The following CNN3 variants were observed in gnomAD, a reference collection of about 807,000 sequenced individuals.
CNN3 encodes the protein calponin-3.
A neutral mutation model predicts 39.0 loss-of-function variants in CNN3; 11 were observed. The observed-to-expected ratio is 0.28, with a 90% confidence interval of 0.18 to 0.47. The LOEUF (loss-of-function observed/expected upper bound fraction) is 0.47, where lower values mean the gene tolerates loss of function less well. Among genes scored for constraint, CNN3 ranks in the 20% least tolerant of loss-of-function variants. The probability of loss-of-function intolerance (pLI) is 0.99; values close to 1 mark genes in which losing one functional copy is unlikely to be tolerated. For synonymous variants in CNN3, 101 were observed against 138.3 expected (o/e 0.73, Z 1.89); for missense variants, 266 against 403.4 (o/e 0.66, Z 2.92).
Position 94,902,266 on chromosome 1 carries a change from G to C in CNN3, c.247-8C>G, listed in dbSNP as rs747102216. 1 of 1,603,796 alleles carries C rather than the reference G, an allele frequency of 6.2e-7. No individual in the cohort carries two copies. Among genetic ancestry groups the C allele is most frequent in the Non-Finnish European group, 8.5e-7 (1 of 1,173,876 alleles). ...GTTGCCAATATTCTCCAACTATAAA[G>C]AAGAAGAGTTTTATAATTTCTGGAG... On this transcript the variant is annotated splice_polypyrimidine_tract_variant and splice_region_variant and intron_variant, in intron 3 of 6. Coordinates refer to ENST00000370206, the MANE Select transcript of CNN3 (RefSeq NM_001839.5).
At chr1:94,909,310 C>G (rs1285175004) in intron 1 of CNN3, among the ~76,000 whole-genome samples, 3 of 152,166 alleles carry the variant, frequency 2.0e-5, no homozygotes, top group Non-Finnish European at 4.4e-5. Context: ...CTCCAAAGCT[C>G]AACTCTACCC....
intron 1 of CNN3, among the ~76,000 whole-genome samples, chr1:94,914,819 A>AT (rs564162635): frequency 6.1e-4 from 93 of 152,242 alleles, no homozygotes; most frequent in Middle Eastern, 3.4e-3. Flanking sequence ...AAAGAGCACC[A>AT]TTTTTTCCCC....
rs1245002619 is a variant in CNN3 at position 94,897,075 on chromosome 1, C to T, written c.*667G>A. On this transcript the variant is annotated 3_prime_UTR_variant, in exon 7 of 7. Coordinates refer to ENST00000370206, the MANE Select transcript of CNN3 (RefSeq NM_001839.5). ...GCAACTCTACATTGATACATTGGCA[C>T]AAACAGGAAGAGCAAATGCATCACC... The T allele has an allele frequency of 6.5e-6, 1 of 153,034 alleles. No homozygotes were observed. Among genetic ancestry groups the T allele is most frequent in the Non-Finnish European group, 1.5e-5 (1 of 68,046 alleles). The allele number at this position is 153,034 out of a possible 1,614,324, so 9.5% of individuals were successfully genotyped here.
At chr1:94,908,914 G>A (rs748676251) in intron 1 of CNN3, among the ~76,000 whole-genome samples, 1 of 151,766 alleles carries the variant, frequency 6.6e-6, no homozygotes, top group African/African-American at 2.4e-5. Flanking sequence ...GGAGGCTGAG[G>A]CAGGAGGAAT....
In CNN3 at chr1:94,897,759, G is replaced by A; in HGVS notation, c.973C>T (p.Gln325Ter). The part of the protein sequence containing the change: ...DYPRDYQYSD[Q>*]GIDY The stretch of plus-strand genomic sequence containing the variant: ...GTGTGGATCTAATAATCAATGCCTT[G>A]GTCGCTATATTGGTAATCTCTGGGG... Residue 325 changes from glutamine (Q) to a stop codon, truncating the protein, a stop_gained, in exon 7 of 7, where the codon CAA becomes TAA. Coordinates refer to ENST00000370206, the MANE Select transcript of CNN3 (RefSeq NM_001839.5). LOFTEE classifies it high-confidence loss of function. 1 of 1,613,200 alleles carries A rather than the reference G, an allele frequency of 6.2e-7. No individual in the cohort carries two copies. The highest frequency in any genetic ancestry group is 1.6e-4 in the Middle Eastern group (1 of 6,062).
intron 1 of CNN3, among the ~76,000 whole-genome samples, chr1:94,905,106 T>G (rs1181410760): frequency 6.6e-6 from 1 of 152,102 alleles, no homozygotes; most frequent in Non-Finnish European, 1.5e-5. Flanking sequence ...TGGGCTGCAT[T>G]CAGGTCCTTT....
chr1:94,919,016 G>T (rs1432576357), intron 1 of CNN3, among the ~76,000 whole-genome samples: 2 of 152,084 alleles, frequency 1.3e-5, no homozygotes, highest in African/African-American at 4.8e-5. Flanking sequence ...TGAAGGTGAT[G>T]TAAGACCAAC....
In CNN3 at chr1:94,908,563, C is replaced by CG. The variant is rs34081179; in HGVS notation, c.58-5040dup. ...TTGTTGTTTGTTTGTTTTTTTGAGACGGAGTCTCGCTCTGTCACCCAAGCT... is the reference window on the plus strand; with the variant it reads ...TTGTTGTTTGTTTGTTTTTTTGAGACGGGAGTCTCGCTCTGTCACCCAAGCT... On this transcript the variant is annotated intron_variant, in intron 1 of 6. Transcript: ENST00000370206. Among the ~76,000 whole-genome samples the CG allele has an allele frequency of 1.1e-3, 168 of 152,162 alleles. 1 individual carries two copies. Among genetic ancestry groups the CG allele is most frequent in the Admixed American group, 2.2e-3 (33 of 15,284 alleles).
At chr1:94,917,820 T>G (rs1671323716) in intron 1 of CNN3, among the ~76,000 whole-genome samples, 1 of 152,218 alleles carries the variant, frequency 6.6e-6, no homozygotes, top group African/African-American at 2.4e-5. Flanking sequence ...TTTGGAACTG[T>G]TGGCATAAAG....
At chr1:94,920,343 T>C (rs1671411137) in intron 1 of CNN3, among the ~76,000 whole-genome samples, 1 of 152,186 alleles carries the variant, frequency 6.6e-6, no homozygotes, top group Admixed American at 6.5e-5. Context: ...TCATGTCCCC[T>C]ATCCACCAGA....
rs1491362733 is a variant in CNN3, at chr1:94,918,493, C to CAA, written c.57+8343_57+8344dup. 1.7e-3 allele frequency among the ~76,000 whole-genome samples: 52 copies of CAA among 29,908 alleles called. 5 individuals are homozygous for CAA. Among genetic ancestry groups the CAA allele is most frequent in the Admixed American group, 2.9e-3 (8 of 2,720 alleles). 19.6% of individuals were successfully genotyped at this position (29,908 alleles called of 152,430 possible). The stretch of plus-strand genomic sequence containing the variant: ...TGGGCGACAAAGTGAGACTGTCTCC[C>CAA]AAAAAAAATAAAATAAAAAAAAAAA... On this transcript the variant is annotated intron_variant, in intron 1 of 6. Transcript: ENST00000370206.
Position 94,911,710 on chromosome 1 carries a change from A to C in CNN3, c.58-8186T>G, listed in dbSNP as rs115917280. Among the ~76,000 whole-genome samples, 549 of 152,228 alleles carry C rather than the reference A, an allele frequency of 3.6e-3. 1 individual carries two copies. The highest frequency in any genetic ancestry group is 6.8e-3 in the Middle Eastern group (2 of 294). Reference sequence around the variant, plus strand: ...CTTGAGCCTGGGAGGTCAAGGCTGCAGTGAGCAGAGACTGTGCTACTACAC... The same window carrying C: ...CTTGAGCCTGGGAGGTCAAGGCTGCCGTGAGCAGAGACTGTGCTACTACAC... On this transcript the variant is annotated intron_variant, in intron 1 of 6. Transcript: ENST00000370206.
rs180895683 is a variant in CNN3 at position 94,916,183 on chromosome 1, A to G, written c.57+10655T>C. On this transcript the variant is annotated intron_variant, in intron 1 of 6. Coordinates refer to ENST00000370206, the MANE Select transcript of CNN3 (RefSeq NM_001839.5). Reference sequence around the variant, plus strand: ...TAACCCCTGGAAATTTGCTCTACCGACGATCTCTCAAAAGGTCACCAGTGC... The same window carrying G: ...TAACCCCTGGAAATTTGCTCTACCGGCGATCTCTCAAAAGGTCACCAGTGC... 1.1e-3 allele frequency among the ~76,000 whole-genome samples: 171 copies of G among 152,118 alleles called. 2 individuals carry two copies. Among genetic ancestry groups the G allele is most frequent in the African/African-American group, 4.0e-3 (166 of 41,484 alleles).
intron 1 of CNN3, among the ~76,000 whole-genome samples, chr1:94,910,935 T>C (rs1315560427): frequency 6.6e-6 from 1 of 152,224 alleles, no homozygotes; most frequent in Non-Finnish European, 1.5e-5. Context: ...TTCACCACTG[T>C]CCACTCCCTT....
In CNN3 at chr1:94,897,584, CAGAAAAA is replaced by C. The variant is rs1371233017; in HGVS notation, c.*151_*157del. On this transcript the variant is annotated 3_prime_UTR_variant, in exon 7 of 7. Transcript: ENST00000370206. ...AAAAGGCAACTATTGAGGGAAGAGG[CAGAAAAA>C]GGAAAAAGGAATGTACGTAAGGCAA... 19 of 629,524 alleles carry C rather than the reference CAGAAAAA, an allele frequency of 3.0e-5. No individual in the cohort carries two copies. Among genetic ancestry groups the C allele is most frequent in the Middle Eastern group, 3.7e-4 (1 of 2,718 alleles). 39.0% of individuals were successfully genotyped at this position (629,524 alleles called of 1,614,324 possible).
intron 1 of CNN3, among the ~76,000 whole-genome samples, chr1:94,912,378 G>GT (rs1221895734): frequency 1.3e-5 from 2 of 152,204 alleles, no homozygotes; most frequent in African/African-American, 2.4e-5. Context: ...GCAAACGGTA[G>GT]TAACTAGAAC....
At chr1:94,915,847 A>G (rs1439257890) in intron 1 of CNN3, among the ~76,000 whole-genome samples, 1 of 152,158 alleles carries the variant, frequency 6.6e-6, no homozygotes, top group African/African-American at 2.4e-5. Context: ...GGTCAGGAGC[A>G]AAGTGACACC....
chr1:94,902,289 G>C, intron 3 of CNN3, 31 bp from the exon 4 acceptor site: 1 of 1,577,452 alleles, frequency 6.3e-7, no homozygotes, highest in Non-Finnish European at 8.7e-7. Flanking sequence ...ATAATTTCTG[G>C]AGCTAAATAT....
chr1:94,903,073 A>G, intron 3 of CNN3, 49 bp downstream of exon 3: 1 of 1,387,032 alleles, frequency 7.2e-7, no homozygotes, highest in Non-Finnish European at 9.6e-7. Flanking sequence ...AGTTTTCACT[A>G]CATAAAATGC....
Sources: allele counts gnomAD v4.1 joint callset (sites outside exome capture counted in the v4.1 genomes callset), GRCh38; gene constraint gnomAD v4.1.1; transcripts MANE v1.5; gene names NCBI Gene and HGNC (gene_info 2026-07-23, HGNC 2026-07-21).